Variants in SETDB1 observed in about 807,000 individuals in gnomAD.
SETDB1 encodes the protein SET domain bifurcated histone lysine methyltransferase 1, also known as histone-lysine N-methyltransferase SETDB1.
In SETDB1, 31 loss-of-function variants were observed where a neutral mutation model predicts 137.4. The observed-to-expected ratio is 0.23, with a 90% CI of 0.17 to 0.30. The LOEUF is 0.30. SETDB1 is among the 10% of genes least tolerant of loss of function. The pLI is 1.00. For synonymous variants in SETDB1, 548 were observed against 579.9 expected (o/e 0.95, Z 0.79); for missense variants, 1,113 against 1,631.5 (o/e 0.68, Z 5.47).
rs587756663 is a variant in SETDB1 at position 150,962,510 on chromosome 1, G to T, written c.3162-77G>T. On this transcript the variant is annotated intron_variant, in intron 17 of 21. Transcript: ENST00000692827. ...GTCTTTTTGACCTGTCTCCAAATCT[G>T]CCTTCTCTCAAACCTAGGCTAGAAG... 4.8e-6 allele frequency: 7 copies of T among 1,444,494 alleles called. No individual in the cohort carries two copies. The South Asian group carries it at 7.1e-5, about 15-fold the overall frequency. The allele number at this position is 1,444,494 out of a possible 1,614,324, so 89.5% of individuals were successfully genotyped here. A position where few individuals can be genotyped will look rare whatever the true frequency, so the allele number is the denominator to read the frequency against.
rs1377339147 is a variant in SETDB1 at position 150,934,823 on chromosome 1, A to AT, written c.412+4720dup. 2.5e-3 allele frequency among the ~76,000 whole-genome samples: 351 copies of AT among 142,334 alleles called. 1 individual carries two copies. The highest frequency in any genetic ancestry group is 7.2e-3 in the Middle Eastern group (2 of 278). 93.4% of individuals were successfully genotyped at this position (142,334 alleles called of 152,430 possible). On this transcript the variant is annotated intron_variant, in intron 3 of 21. Coordinates refer to ENST00000692827, the MANE Select transcript of SETDB1 (RefSeq NM_001366418.1). ...AATCTTCGTTTACCCAGGATATAGA[A>AT]TTTTTTTTTTTTTTTGTGACAGAGC...
chr1:150,948,064 C>T lies in SETDB1; in HGVS notation c.1267+1052C>T, dbSNP rs587697997. ...CTGGGCAACATAGAAAGACTCTTAT[C>T]TCTTAAAAAAAAAAAATGCTGAGTG... On this transcript the variant is annotated intron_variant, in intron 10 of 21. Transcript: ENST00000692827. Among the ~76,000 whole-genome samples, 3 of 151,026 alleles carry T rather than the reference C, an allele frequency of 2.0e-5. No individual in the cohort carries two copies. In the South Asian group the frequency reaches 6.3e-4, roughly 32 times the overall value.
rs77116830 is a variant in SETDB1 at position 150,964,576 on chromosome 1, G to A, written c.*212G>A. 1,496 of 696,656 alleles carry A rather than the reference G, an allele frequency of 2.1e-3. 13 individuals carry two copies. In the African/African-American group the frequency reaches 0.022, roughly 10 times the overall value. 43.2% of individuals were successfully genotyped at this position (696,656 alleles called of 1,614,324 possible). ...ACCTCCAAAGGCCCTAAAGGGTGGG[G>A]AGAGATCACCACTCTAACCTCGGCC... On this transcript the variant is annotated 3_prime_UTR_variant, in exon 22 of 22. Coordinates refer to ENST00000692827, the MANE Select transcript of SETDB1 (RefSeq NM_001366418.1).
chr1:150,939,188 G>T (rs976499843), intron 3 of SETDB1, among the ~76,000 whole-genome samples: 4 of 150,794 alleles, frequency 2.7e-5, no homozygotes, highest in African/African-American at 9.8e-5. Context: ...CTGACATTAG[G>T]TGATCCACCC....
chr1:150,955,425 T>C (rs1670609012), intron 14 of SETDB1, among the ~76,000 whole-genome samples: 1 of 152,210 alleles, frequency 6.6e-6, no homozygotes, highest in Admixed American at 6.5e-5. Flanking sequence ...CACACTGATA[T>C]TTTTCAGTTC....
Position 150,960,815 on chromosome 1 carries a change from C to G in SETDB1, c.2756C>G (p.Thr919Ser), listed in dbSNP as rs1223505037. 6 of 1,606,682 alleles carry G rather than the reference C, an allele frequency of 3.7e-6. No homozygotes were observed. Among genetic ancestry groups the G allele is most frequent in the Non-Finnish European group, 5.1e-6 (6 of 1,176,612 alleles). The part of the protein sequence containing the change: ...DNFCKDEDFS[T>S]SSVWRSYATR... The stretch of plus-strand genomic sequence containing the variant: ...TTCTGTAAGGATGAGGACTTCAGCA[C>G]CAGTTCAGTGTGGCGGAGCTATGCT... Residue 919 changes from threonine (T) to serine (S), a missense_variant, in exon 16 of 22, where the codon ACC becomes AGC. Physicochemically the swap from Thr to Ser is moderately conservative, Grantham distance 58 (BLOSUM62 1). This residue lies in a region of SETDB1 where 373 missense variants were observed against 412.7 expected (regional missense o/e 0.90). Coordinates refer to ENST00000692827, the MANE Select transcript of SETDB1 (RefSeq NM_001366418.1).
Position 150,951,413 on chromosome 1 carries a change from C to T in SETDB1, c.2265C>T (p.Thr755=), listed in dbSNP as rs764812866. Residue 755 remains threonine (T), a synonymous_variant, in exon 14 of 22, where the codon ACC becomes ACT. Coordinates refer to ENST00000692827, the MANE Select transcript of SETDB1 (RefSeq NM_001366418.1). ...HQLTIQATAC[T]PGGQINPNSG... is the part of the protein sequence containing the mutation. ...TAACTATCCAGGCTACAGCCTGTAC[C>T]CCAGGAGGCCAAATCAACCCTAACT... 139 of 1,613,812 alleles carry T rather than the reference C, an allele frequency of 8.6e-5. No individual in the cohort carries two copies. Among genetic ancestry groups the T allele is most frequent in the Admixed American group, 2.0e-4 (12 of 59,996 alleles).
chr1:150,963,950 T>C, intron 20 of SETDB1, 45 bp from the exon 21 acceptor site: 1 of 1,563,034 alleles, frequency 6.4e-7, no homozygotes, highest in Non-Finnish European at 8.8e-7. Context: ...CAAAGCCAGG[T>C]TCAGTTTCCC....
At chr1:150,927,403 G>A (rs1037546416) in intron 1 of SETDB1, among the ~76,000 whole-genome samples, 6 of 152,136 alleles carry the variant, frequency 3.9e-5, no homozygotes, top group African/African-American at 1.4e-4. Context: ...TGAGATTACA[G>A]GTGTAAGCCA....
chr1:150,958,254 C>CTTTTTTTTTT (rs374122454), intron 14 of SETDB1, among the ~76,000 whole-genome samples: 7 of 94,064 alleles, frequency 7.4e-5, no homozygotes, highest in South Asian at 3.5e-4. Flanking sequence ...TTTCTTTTTT[C>CTTTTTTTTTT]TTTTTTTTTT....
chr1:150,939,925 TC>T lies in SETDB1; in HGVS notation c.413-14del. The T allele has an allele frequency of 6.2e-7, 1 of 1,607,608 alleles. No individual in the cohort carries two copies. The highest frequency in any genetic ancestry group is 8.5e-7 in the Non-Finnish European group (1 of 1,175,746). ...GTAAGTCTCTGACACTCATTAGAGT[TC>T]TTCTCGTCCATAGGTGATGCTGGGA... On this transcript the variant is annotated splice_polypyrimidine_tract_variant and intron_variant, in intron 3 of 21. Coordinates refer to ENST00000692827, the MANE Select transcript of SETDB1 (RefSeq NM_001366418.1).
chr1:150,950,346 C>T (rs766361790), intron 12 of SETDB1, 112 bp from the exon 13 acceptor site: 72 of 924,284 alleles, frequency 7.8e-5, no homozygotes, highest in Non-Finnish European at 1.2e-4. Flanking sequence ...TCTTTAGCTT[C>T]AGGAGCACAG....
chr1:150,937,472 G>A (rs1277585585), intron 3 of SETDB1, among the ~76,000 whole-genome samples: 1 of 152,106 alleles, frequency 6.6e-6, no homozygotes, highest in Non-Finnish European at 1.5e-5. Context: ...AAAATGATTA[G>A]AGTCAGGTGT....
Position 150,947,009 on chromosome 1 carries a change from A to G in SETDB1, c.1264A>G (p.Met422Val), listed in dbSNP as rs587618003. The G allele has an allele frequency of 6.2e-5, 100 of 1,613,960 alleles. 1 individual carries two copies. The South Asian group carries it at 9.1e-4, about 15-fold the overall frequency. Residue 422 changes from methionine to valine, a missense_variant, in exon 10 of 22, where the codon ATG becomes GTG. By Grantham distance (21) the Met-to-Val change is conservative. Around this residue, in one of 11 missense-constraint regions of SETDB1, gnomAD observed 154 missense variants for 303.1 expected, o/e 0.51. Coordinates refer to ENST00000692827, the MANE Select transcript of SETDB1 (RefSeq NM_001366418.1). ...KQGQLRTRPN[M>V]GAVRSKGPVV... ...AGGACAGCTCAGGACACGTCCAAAT[A>G]TGGGTATGTCCTGAAAGATTCCTGG...
At chr1:150,927,512 C>T (rs1041134916) in intron 1 of SETDB1, among the ~76,000 whole-genome samples, 192 bp from the exon 2 acceptor site, 1 of 152,044 alleles carries the variant, frequency 6.6e-6, no homozygotes, top group Non-Finnish European at 1.5e-5. Flanking sequence ...GGAGTGTTAG[C>T]GTACAGCAGA....
chr1:150,947,758 G>C (rs1670372360), intron 10 of SETDB1, among the ~76,000 whole-genome samples: 1 of 152,146 alleles, frequency 6.6e-6, no homozygotes, highest in South Asian at 2.1e-4. Flanking sequence ...CTGGGTGACA[G>C]AACGAGACCC....
At chr1:150,930,784 C>G (rs587732390) in intron 3 of SETDB1, among the ~76,000 whole-genome samples, 23 of 152,174 alleles carry the variant, frequency 1.5e-4, no homozygotes, top group Admixed American at 1.4e-3. Context: ...GATCCACTTG[C>G]CTTGGCCTCC....
chr1:150,953,467 A>G (rs1415581793), intron 14 of SETDB1, among the ~76,000 whole-genome samples: 1 of 151,538 alleles, frequency 6.6e-6, no homozygotes, highest in Non-Finnish European at 1.5e-5. Context: ...TGGAGGTTGC[A>G]GTGAGCCAAG....
chr1:150,960,319 C>CA (rs1380727425), intron 15 of SETDB1, among the ~76,000 whole-genome samples: 3 of 150,414 alleles, frequency 2.0e-5, no homozygotes, highest in Non-Finnish European at 4.4e-5. Flanking sequence ...ACCAAAAATA[C>CA]AAAAAAAATT....
Sources: gnomAD v4.1 joint callset for allele counts (sites outside exome capture counted in the v4.1 genomes callset) on GRCh38, gnomAD v4.1.1 for gene constraint, gnomAD v4.1.1 regional missense constraint, MANE v1.5 for transcripts, NCBI Gene and HGNC (gene_info 2026-07-23, HGNC 2026-07-21) for gene names.